TMEM217: variants seen among roughly 807,000 people sequenced by gnomAD.
TMEM217 encodes transmembrane protein 217.
For missense variants in TMEM217, 204 were observed against 248.8 expected, an observed-to-expected ratio of 0.82 and a Z score of 1.21; for synonymous variants, 76 against 88.3, an observed-to-expected ratio of 0.86 and a Z score of 0.78.
At chr6:37,253,829 C>G (rs1765580232) in intron 1 of TMEM217, among the ~76,000 whole-genome samples, 1 of 152,180 alleles carries the variant, frequency 6.6e-6, no homozygotes, top group African/African-American at 2.4e-5. Context: ...CTTTCTCTTT[C>G]CTTTTCTCTC....
chr6:37,228,531 CTG>C (rs1294927335), intron 1 of TMEM217, among the ~76,000 whole-genome samples: 1 of 152,210 alleles, frequency 6.6e-6, no homozygotes, highest in Non-Finnish European at 1.5e-5. Flanking sequence ...TGGTGAAACC[CTG>C]TTTCTACTAA....
At chr6:37,220,965 A>G (rs909055771) in intron 1 of TMEM217, among the ~76,000 whole-genome samples, 3 of 152,092 alleles carry the variant, frequency 2.0e-5, no homozygotes, top group African/African-American at 7.2e-5. Flanking sequence ...TATACAAGAT[A>G]AAATTTTACA....
chr6:37,230,933 G>A (rs1314847205), intron 1 of TMEM217, among the ~76,000 whole-genome samples: 2 of 152,018 alleles, frequency 1.3e-5, no homozygotes, highest in African/African-American at 4.8e-5. Flanking sequence ...ACAACACAAA[G>A]GTTTTTTGTT....
intron 1 of TMEM217, among the ~76,000 whole-genome samples, chr6:37,226,391 C>CA (rs1208709661): frequency 7.1e-6 from 1 of 141,628 alleles, no homozygotes; most frequent in Non-Finnish European, 1.5e-5. Flanking sequence ...CTCCCGGGTT[C>CA]ACGCCATTCT....
chr6:37,251,252 A>G (rs1356348623), intron 1 of TMEM217, among the ~76,000 whole-genome samples: 5 of 152,262 alleles, frequency 3.3e-5, no homozygotes, highest in Admixed American at 2.0e-4. Context: ...AGGGAGGCAC[A>G]TCTCACATAT....
exon 2 of TMEM217, chr6:37,217,974 C>T (rs151061029): frequency 2.2e-4 from 220 of 988,726 alleles, no homozygotes; most frequent in African/African-American, 1.1e-3. Context: ...CAGGATGTTC[C>T]GGTTGTGATT....
intron 1 of TMEM217, among the ~76,000 whole-genome samples, chr6:37,225,424 T>C (rs1404525954): frequency 6.6e-6 from 1 of 152,160 alleles, no homozygotes; most frequent in South Asian, 2.1e-4. Context: ...ATGCATGTAT[T>C]AATGATGACT....
downstream of TMEM217, among the ~76,000 whole-genome samples, chr6:37,214,579 C>T (rs577272670): frequency 4.9e-4 from 74 of 152,234 alleles, no homozygotes; most frequent in African/African-American, 1.7e-3. Flanking sequence ...CCATTATAAA[C>T]ATCAACTCCC....
exon 2 of TMEM217, chr6:37,217,726 G>A (rs962634712): frequency 3.0e-6 from 3 of 985,184 alleles, no homozygotes; most frequent in Non-Finnish European, 3.6e-6. Flanking sequence ...ACCCACCCCA[G>A]GGCCAACAGT....
intron 1 of TMEM217, among the ~76,000 whole-genome samples, chr6:37,236,292 A>C (rs534173788): frequency 6.6e-6 from 1 of 152,124 alleles, no homozygotes; most frequent in Non-Finnish European, 1.5e-5. Flanking sequence ...CTGGCCATTT[A>C]TTTTTAAATA....
At chr6:37,212,923 A>G, downstream of TMEM217, 1 of 1,550,116 alleles carries the variant, frequency 6.5e-7, no homozygotes, top group Non-Finnish European at 8.7e-7. Flanking sequence ...GGTGGTATTA[A>G]GGACAGAGAA....
intron 1 of TMEM217, among the ~76,000 whole-genome samples, chr6:37,231,598 G>A (rs1235055342): frequency 6.7e-6 from 1 of 149,120 alleles, no homozygotes; most frequent in African/African-American, 2.5e-5. Flanking sequence ...GCGTGAACCC[G>A]GGAGGTGGGG....
downstream of TMEM217, among the ~76,000 whole-genome samples, chr6:37,215,994 G>GGTGTGTGTGTGTGTGTGTGT (rs60725183): frequency 6.7e-6 from 1 of 149,082 alleles, no homozygotes; most frequent in Non-Finnish European, 1.5e-5. Flanking sequence ...GGTTCTTCAG[G>GGTGTGTGTGTGTGTGTGTGT]GTGTGTGTGT....
chr6:37,225,492 GA>G (rs1195268092), intron 1 of TMEM217, among the ~76,000 whole-genome samples: 1 of 152,008 alleles, frequency 6.6e-6, no homozygotes, highest in Non-Finnish European at 1.5e-5. Flanking sequence ...GTTCCCTAAG[GA>G]AAAAAATAAA....
intron 1 of TMEM217, among the ~76,000 whole-genome samples, chr6:37,245,933 G>A (rs1765053901): frequency 6.6e-6 from 1 of 152,078 alleles, no homozygotes; most frequent in African/African-American, 2.4e-5. Context: ...CCGAGTAGCT[G>A]TAATCACAGG....
intron 1 of TMEM217, among the ~76,000 whole-genome samples, chr6:37,241,456 G>C (rs1307143033): frequency 1.3e-5 from 2 of 152,110 alleles, no homozygotes; most frequent in Non-Finnish European, 2.9e-5. Context: ...TGAGCACTAG[G>C]GATTCTGTCT....
downstream of TMEM217, among the ~76,000 whole-genome samples, chr6:37,213,770 C>T (rs986020710): frequency 6.6e-6 from 1 of 152,226 alleles, no homozygotes; most frequent in East Asian, 1.9e-4. Context: ...GTAGGCTGGG[C>T]CTACAGCGCA....
chr6:37,218,905 G>C (rs1763372334), exon 2 of TMEM217: 1 of 1,614,060 alleles, frequency 6.2e-7, no homozygotes, highest in South Asian at 1.1e-5. Context: ...TGATCTCAGT[G>C]CAACTGCCAT....
At chr6:37,249,170 A>C (rs895218557) in intron 1 of TMEM217, among the ~76,000 whole-genome samples, 1 of 152,194 alleles carries the variant, frequency 6.6e-6, no homozygotes, top group African/African-American at 2.4e-5. Context: ...CATAACATCC[A>C]CAGGTTCCAG....
Sources: gnomAD v4.1 joint callset for allele counts (sites outside exome capture counted in the v4.1 genomes callset) on GRCh38, gnomAD v4.1.1 for gene constraint, MANE v1.5 for transcripts, NCBI Gene and HGNC (gene_info 2026-07-23, HGNC 2026-07-21) for gene names.